GRID2: variants seen among roughly 807,000 people sequenced by gnomAD.
The protein encoded by GRID2 is glutamate receptor ionotropic, delta-2.
GRID2 carries 33 observed loss-of-function variants against 114.8 expected under a neutral mutation model. The ratio of observed to expected loss-of-function variants is 0.29; its 90% CI spans 0.22 to 0.38. GRID2 has a LOEUF of 0.38. GRID2 is among the 10% of genes least tolerant of loss of function. The pLI is 1.00. For synonymous variants in GRID2, 505 were observed against 449.9 expected (o/e 1.12, Z -1.55); for missense variants, 1,184 against 1,257.7 (o/e 0.94, Z 0.89).
intron 11 of GRID2, 56 bp downstream of exon 11, chr4:93,456,030 A>T (rs1723157531): frequency 9.9e-7 from 1 of 1,014,588 alleles, no homozygotes; most frequent in African/African-American, 1.6e-5. Flanking sequence ...GATGTTTCCA[A>T]AGCCATGTAT....
At chr4:92,646,666 TGTA>T (rs1731646371) in intron 2 of GRID2, among the ~76,000 whole-genome samples, 2 of 152,226 alleles carry the variant, frequency 1.3e-5, no homozygotes, top group Admixed American at 1.3e-4. Context: ...ACTATTAAAA[TGTA>T]AACAAATGTA....
Position 93,145,463 on chromosome 4 carries a change from A to AT in GRID2, c.735+34513dup, listed in dbSNP as rs1169985258. Among the ~76,000 whole-genome samples, 639 of 120,730 alleles carry AT rather than the reference A, an allele frequency of 5.3e-3. 4 individuals carry two copies. The highest frequency in any genetic ancestry group is 0.022 in the African/African-American group (605 of 27,352). 79.2% of individuals were successfully genotyped at this position (120,730 alleles called of 152,430 possible). A position where few individuals can be genotyped will look rare whatever the true frequency, so the allele number is the denominator to read the frequency against. ...TATTTATTTGTATTTGTATTTATTT[A>AT]TTTATTTATTTTTTTTTGAGACAGT... On this transcript the variant is annotated intron_variant, in intron 4 of 15. Transcript: ENST00000282020.
At chr4:92,895,564 A>C (rs1385238114) in intron 2 of GRID2, among the ~76,000 whole-genome samples, 1 of 151,790 alleles carries the variant, frequency 6.6e-6, no homozygotes, top group Non-Finnish European at 1.5e-5. Context: ...AAGGATGTAC[A>C]TCTTCACAAT....
At chr4:92,941,534 G>A (rs532862284) in intron 2 of GRID2, among the ~76,000 whole-genome samples, 7 of 152,160 alleles carry the variant, frequency 4.6e-5, no homozygotes, top group South Asian at 2.1e-4. Flanking sequence ...TGGATTCATT[G>A]ATTTTTTGAA....
chr4:92,411,545 G>T (rs371848307), intron 1 of GRID2, among the ~76,000 whole-genome samples: 2 of 149,772 alleles, frequency 1.3e-5, no homozygotes, highest in East Asian at 3.9e-4. Flanking sequence ...CTTTTCACCT[G>T]TATTTTCATA....
intron 2 of GRID2, among the ~76,000 whole-genome samples, chr4:92,810,508 A>G (rs910188170): frequency 6.6e-6 from 1 of 152,058 alleles, no homozygotes; most frequent in African/African-American, 2.4e-5. Context: ...GAATAAAAAG[A>G]AGTGTCAATG....
At chr4:93,131,050 G>T (rs74341786) in intron 4 of GRID2, among the ~76,000 whole-genome samples, 6,371 of 150,878 alleles carry the variant, frequency 0.042, 381 homozygotes, top group African/African-American at 0.13. Context: ...TGAAAGTAAA[G>T]ATTTTTTTCT....
chr4:92,535,932 G>A (rs753498646), intron 1 of GRID2, among the ~76,000 whole-genome samples: 4 of 152,156 alleles, frequency 2.6e-5, no homozygotes, highest in Non-Finnish European at 5.9e-5. Flanking sequence ...TCCTCCTGGT[G>A]GGTTCATGGT....
chr4:93,583,745 G>A lies in GRID2; in HGVS notation c.2194-42524G>A, dbSNP rs11930195. On this transcript the variant is annotated intron_variant, in intron 13 of 15. Transcript: ENST00000282020. ...CTTAGGGTCCATTCTGTCCAAGGCC[G>A]TTCCTCAGACACATCCATTCTCCTT... is the stretch of plus-strand genomic sequence containing the variant. 9.9e-4 allele frequency among the ~76,000 whole-genome samples: 151 copies of A among 152,022 alleles called. 1 individual carries two copies. In the Middle Eastern group the frequency reaches 0.024, roughly 24 times the overall value.
chr4:93,250,239 G>A (rs1361651990), intron 8 of GRID2, among the ~76,000 whole-genome samples: 4 of 151,932 alleles, frequency 2.6e-5, no homozygotes, highest in Admixed American at 6.6e-5. Flanking sequence ...GCAAACTAAC[G>A]CAGGAACAGA....
intron 1 of GRID2, among the ~76,000 whole-genome samples, chr4:92,306,144 C>T (rs1215080752): frequency 1.3e-5 from 2 of 152,250 alleles, no homozygotes; most frequent in African/African-American, 2.4e-5. Flanking sequence ...TGGCCAGCCC[C>T]TCCGCTCCAG....
chr4:93,186,542 G>C (rs1365582585), intron 4 of GRID2, among the ~76,000 whole-genome samples: 1 of 152,092 alleles, frequency 6.6e-6, no homozygotes, highest in African/African-American at 2.4e-5. Flanking sequence ...TATAGGAATT[G>C]CTTCTCTACA....
intron 2 of GRID2, among the ~76,000 whole-genome samples, chr4:92,667,652 T>A (rs1182008293): frequency 6.6e-6 from 1 of 151,518 alleles, no homozygotes; most frequent in Non-Finnish European, 1.5e-5. Flanking sequence ...TTTTGTTAGC[T>A]GGACAGTCAC....
chr4:92,417,210 A>G (rs1293326886), intron 1 of GRID2, among the ~76,000 whole-genome samples: 1 of 152,186 alleles, frequency 6.6e-6, no homozygotes, highest in African/African-American at 2.4e-5. Flanking sequence ...ATACACAATA[A>G]TCATGCTTCC....
chr4:92,793,605 A>G (rs903074971), intron 2 of GRID2, among the ~76,000 whole-genome samples: 1 of 151,860 alleles, frequency 6.6e-6, no homozygotes, highest in Non-Finnish European at 1.5e-5. Context: ...AGGGCCAATC[A>G]GGCTTACTTA....
intron 10 of GRID2, among the ~76,000 whole-genome samples, chr4:93,452,792 G>T (rs1722806081): frequency 6.6e-6 from 1 of 151,854 alleles, no homozygotes; most frequent in African/African-American, 2.4e-5. Context: ...ACCTAAGAAG[G>T]GTAAGAATAA....
chr4:92,601,780 TAAAG>T (rs934016771), intron 2 of GRID2, among the ~76,000 whole-genome samples: 16 of 151,432 alleles, frequency 1.1e-4, no homozygotes, highest in African/African-American at 2.2e-4. Flanking sequence ...GCTGAAATAA[TAAAG>T]AAAAGAGAAG....
intron 4 of GRID2, among the ~76,000 whole-genome samples, chr4:93,137,966 GTTTTTTTTTTTT>G (rs753814961): frequency 1.3e-5 from 1 of 78,380 alleles, no homozygotes; most frequent in Admixed American, 2.1e-4. Context: ...TTTTTTCTTC[GTTTTTTTTTTTT>G]TTTTTTTTTT....
At chr4:92,994,030 A>G (rs890850110) in intron 2 of GRID2, among the ~76,000 whole-genome samples, 11 of 152,204 alleles carry the variant, frequency 7.2e-5, no homozygotes, top group African/African-American at 2.6e-4. Context: ...CTCATCTTTT[A>G]TCCAGTGTCT....
Sources: gnomAD v4.1 joint callset for allele counts (sites outside exome capture counted in the v4.1 genomes callset) on GRCh38, gnomAD v4.1.1 for gene constraint, MANE v1.5 for transcripts, NCBI Gene and HGNC (gene_info 2026-07-23, HGNC 2026-07-21) for gene names.